The following TACR3 variants were observed in gnomAD, a reference collection of about 807,000 sequenced individuals.
The protein encoded by TACR3 is neuromedin-K receptor.
A neutral mutation model predicts 35.0 loss-of-function variants in TACR3; 34 were observed. The ratio of observed to expected loss-of-function variants is 0.97; its 90% CI spans 0.74 to 1.30. TACR3 has a LOEUF of 1.30. Among genes scored for constraint, TACR3 ranks in the 50% most tolerant of loss-of-function variants. The pLI, the probability that TACR3 is intolerant of heterozygous loss-of-function variation, is 0.00. For synonymous variants in TACR3, 233 were observed against 221.1 expected (o/e 1.05, Z -0.48); for missense variants, 558 against 591.7 (o/e 0.94, Z 0.59).
rs1368777199 is a variant in TACR3, at chr4:103,591,593, G to A, written c.979C>T (p.Gln327Ter). Residue 327 changes from glutamine (Q) to a stop codon, truncating the protein, a stop_gained, in exon 4 of 5, where the codon CAA becomes TAA. Transcript: ENST00000304883. LOFTEE classifies it high-confidence loss of function. ...TGGATGTATTTCCATCTATTTAGTTGTTGATAGATTGCAGTGAGAATGAAG... is the reference window on the plus strand; with the variant it reads ...TGGATGTATTTCCATCTATTTAGTTATTGATAGATTGCAGTGAGAATGAAG... ...IYFILTAIYQ[Q>*]LNRWKYIQQV... is the part of the protein sequence containing the mutation. 6.2e-7 allele frequency: 1 copy of A among 1,613,802 alleles called. No homozygotes were observed. The highest frequency in any genetic ancestry group is 2.2e-5 in the East Asian group (1 of 44,846).
intron 1 of TACR3, among the ~76,000 whole-genome samples, chr4:103,684,736 C>T (rs910892662): frequency 1.3e-5 from 2 of 152,026 alleles, no homozygotes; most frequent in African/African-American, 4.8e-5. Context: ...TGTGGTGGCT[C>T]ATGCATCTGT....
chr4:103,658,298 C>A lies in TACR3; in HGVS notation c.654G>T (p.Gln218His). Residue 218 changes from glutamine to histidine, a missense_variant, in exon 2 of 5, where the codon CAG becomes CAT. By Grantham distance (24) the Gln-to-His change is conservative. Coordinates refer to ENST00000304883, the MANE Select transcript of TACR3 (RefSeq NM_001059.3). The part of the protein sequence containing the change: ...WILAFLLAFP[Q>H]CLYSKTKVMP... ...TGACTTTGGTTTTGGAATAAAGACA[C>A]TGAGGGAAGGCAAGTAGAAATGCTA... 6.2e-7 allele frequency: 1 copy of A among 1,613,924 alleles called. No individual in the cohort carries two copies. Among genetic ancestry groups the A allele is most frequent in the Non-Finnish European group, 8.5e-7 (1 of 1,179,924 alleles).
At chr4:103,595,872 G>T (rs1258241166) in intron 3 of TACR3, among the ~76,000 whole-genome samples, 3 of 148,596 alleles carry the variant, frequency 2.0e-5, no homozygotes, top group Non-Finnish European at 4.5e-5. Context: ...CTAGCATTAG[G>T]TATATCTCCC....
chr4:103,631,976 C>A (rs1401363156), intron 3 of TACR3, among the ~76,000 whole-genome samples: 1 of 152,018 alleles, frequency 6.6e-6, no homozygotes, highest in African/African-American at 2.4e-5. Flanking sequence ...AATAGCTGTG[C>A]GAGCTTATTG....
intron 1 of TACR3, among the ~76,000 whole-genome samples, chr4:103,712,881 T>C (rs1245956091): frequency 1.3e-5 from 2 of 152,110 alleles, no homozygotes; most frequent in African/African-American, 2.4e-5. Flanking sequence ...AAAATGCTCA[T>C]CATCACTGGC....
chr4:103,637,772 C>G (rs556100433), intron 3 of TACR3, among the ~76,000 whole-genome samples: 4,558 of 152,194 alleles, frequency 0.03, 223 homozygotes, highest in African/African-American at 0.1. Flanking sequence ...GCAAAAATCA[C>G]AAGCATTCTT....
At chr4:103,718,186 TGTTA>T (rs1723132942) in intron 1 of TACR3, among the ~76,000 whole-genome samples, 1 of 152,198 alleles carries the variant, frequency 6.6e-6, no homozygotes, top group Non-Finnish European at 1.5e-5. Context: ...TTGATATGTT[TGTTA>T]ATGTTTAAAA....
chr4:103,703,369 G>A (rs917298947), intron 1 of TACR3, among the ~76,000 whole-genome samples: 2 of 152,010 alleles, frequency 1.3e-5, no homozygotes, highest in African/African-American at 4.8e-5. Context: ...ATTTGGTTTT[G>A]TGTGAAAGAA....
intron 1 of TACR3, among the ~76,000 whole-genome samples, chr4:103,710,119 G>T (rs995375034): frequency 6.6e-6 from 1 of 151,986 alleles, no homozygotes; most frequent in Non-Finnish European, 1.5e-5. Flanking sequence ...GTTAACAAGG[G>T]TATCCAGGAA....
chr4:103,710,786 G>A (rs907865974), intron 1 of TACR3, among the ~76,000 whole-genome samples: 9 of 151,808 alleles, frequency 5.9e-5, no homozygotes, highest in African/African-American at 9.7e-5. Context: ...TCAAATAGAC[G>A]CAATAAAAAA....
intron 1 of TACR3, among the ~76,000 whole-genome samples, chr4:103,689,667 A>T (rs538367182): frequency 2.0e-4 from 30 of 152,232 alleles, no homozygotes; most frequent in African/African-American, 7.0e-4. Flanking sequence ...AGGAAAAATT[A>T]AAGACAAATG....
intron 1 of TACR3, among the ~76,000 whole-genome samples, chr4:103,707,822 T>C (rs572857438): frequency 3.2e-4 from 48 of 152,230 alleles, no homozygotes; most frequent in East Asian, 1.9e-4. Context: ...ACTTTTCCAA[T>C]AGTCTTAGCA....
chr4:103,683,344 G>A (rs1490946661), intron 1 of TACR3, among the ~76,000 whole-genome samples: 1 of 151,022 alleles, frequency 6.6e-6, no homozygotes, highest in East Asian at 1.9e-4. Context: ...AAAAAGAAAG[G>A]AAATTAAATA....
intron 3 of TACR3, among the ~76,000 whole-genome samples, chr4:103,592,785 C>A (rs1038229048): frequency 1.3e-5 from 2 of 152,064 alleles, no homozygotes; most frequent in African/African-American, 4.8e-5. Flanking sequence ...CATTTGACTG[C>A]AAATTAGGGA....
Position 103,662,474 on chromosome 4 carries a change from C to A in TACR3, c.549-4071G>T, listed in dbSNP as rs540644619. ...ACCTCAGGTGATCTGCCTGCCTCAG[C>A]CTCCCAAAGTTCTGGGATTACAGGC... On this transcript the variant is annotated intron_variant, in intron 1 of 4. Coordinates refer to ENST00000304883, the MANE Select transcript of TACR3 (RefSeq NM_001059.3). Among the ~76,000 whole-genome samples the A allele has an allele frequency of 7.2e-5, 11 of 152,258 alleles. 1 individual carries two copies. The South Asian group carries it at 2.3e-3, about 32-fold the overall frequency.
rs1206805970 is a variant in TACR3 at position 103,589,780 on chromosome 4, G to T, written c.1300C>A (p.Pro434Thr). ...CTGCGAGAGCAGCCATTGAAACTTG[G>T]GTCTCTTGGCGTTGCTCTTTTCTTC... ...SRKKRATPRD[P>T]SFNGCSRRNS... Residue 434 changes from proline to threonine, a missense_variant, in exon 5 of 5, where the codon CCA (proline) becomes ACA (threonine). By Grantham distance (38) the Pro-to-Thr change is conservative. Coordinates refer to ENST00000304883, the MANE Select transcript of TACR3 (RefSeq NM_001059.3). 3.1e-6 allele frequency: 5 copies of T among 1,613,952 alleles called. No individual in the cohort carries two copies. In the South Asian group the frequency reaches 4.4e-5, roughly 14 times the overall value.
rs1400607953 is a variant in TACR3 at position 103,629,868 on chromosome 4, A to AC, written c.888+26325_888+26326insG. 1.4e-3 allele frequency among the ~76,000 whole-genome samples: 153 copies of AC among 109,604 alleles called. 1 individual carries two copies. The highest frequency in any genetic ancestry group is 2.3e-3 in the South Asian group (8 of 3,508). 71.9% of individuals were successfully genotyped at this position (109,604 alleles called of 152,430 possible). ...AGCAAAACAAAAAAAAAACAAAAAA[A>AC]AAACAAAAAAAACAACAACAACAAC... On this transcript the variant is annotated intron_variant, in intron 3 of 4. Transcript: ENST00000304883.
chr4:103,644,916 AC>A (rs1482032349), intron 3 of TACR3, among the ~76,000 whole-genome samples: 1 of 151,884 alleles, frequency 6.6e-6, no homozygotes, highest in Non-Finnish European at 1.5e-5. Context: ...AGAGAGGGAC[AC>A]AAAAATAGGT....
At chr4:103,677,466 A>G (rs968293274) in intron 1 of TACR3, among the ~76,000 whole-genome samples, 1 of 152,190 alleles carries the variant, frequency 6.6e-6, no homozygotes, top group African/African-American at 2.4e-5. Context: ...CCTAATGCCC[A>G]TCAGCAATAG....
Sources: allele counts gnomAD v4.1 joint callset (sites outside exome capture counted in the v4.1 genomes callset), GRCh38; gene constraint gnomAD v4.1.1; transcripts MANE v1.5; gene names NCBI Gene and HGNC (gene_info 2026-07-23, HGNC 2026-07-21).